The following GABRG3 variants were observed in gnomAD, a reference collection of about 807,000 sequenced individuals.
GABRG3 encodes the protein gamma-aminobutyric acid type A receptor subunit gamma3.
In GABRG3, 25 loss-of-function variants were observed where a neutral mutation model predicts 48.8. The ratio of observed to expected loss-of-function variants is 0.51; its 90% CI spans 0.37 to 0.72. The LOEUF (loss-of-function observed/expected upper bound fraction) is 0.72. GABRG3 is among the 30% of genes least tolerant of loss of function. The pLI is 0.00. For synonymous variants in GABRG3, 227 were observed against 217.6 expected (o/e 1.04, Z -0.38); for missense variants, 394 against 577.9 (o/e 0.68, Z 3.26).
At chr15:27,104,885 A>G (rs997089655) in intron 3 of GABRG3, among the ~76,000 whole-genome samples, 1 of 152,244 alleles carries the variant, frequency 6.6e-6, no homozygotes, top group African/African-American at 2.4e-5. Context: ...AGATAGAATA[A>G]TTTGATATTA....
intron 5 of GABRG3, chr15:27,420,563 C>A (rs1257533138): frequency 6.6e-6 from 1 of 152,072 alleles, no homozygotes; most frequent in Non-Finnish European, 1.5e-5. Flanking sequence ...AATCTAGTAA[C>A]CGTGTGAGAT....
At chr15:27,058,914 A>G (rs971890818) in intron 3 of GABRG3, among the ~76,000 whole-genome samples, 1 of 152,226 alleles carries the variant, frequency 6.6e-6, no homozygotes, top group Admixed American at 6.5e-5. Flanking sequence ...CGTCATCACC[A>G]ATAAAACCAT....
intron 2 of GABRG3, among the ~76,000 whole-genome samples, chr15:27,012,492 T>C (rs1482188220): frequency 1.3e-5 from 2 of 152,188 alleles, no homozygotes; most frequent in African/African-American, 4.8e-5. Context: ...TTTACAGATA[T>C]ATTTTAAAAT....
intron 3 of GABRG3, among the ~76,000 whole-genome samples, chr15:27,107,180 T>C (rs1321992363): frequency 2.0e-5 from 3 of 152,036 alleles, no homozygotes; most frequent in Non-Finnish European, 4.4e-5. Flanking sequence ...TTAAATATGA[T>C]GTTAGGTGTA....
intron 3 of GABRG3, among the ~76,000 whole-genome samples, chr15:27,058,964 C>T (rs1896600370): frequency 1.3e-5 from 2 of 152,166 alleles, no homozygotes; most frequent in South Asian, 2.1e-4. Context: ...AATCCTGTGG[C>T]CACTATTAAA....
Position 27,447,582 on chromosome 15 carries a change from T to C in GABRG3, c.575-33068T>C, listed in dbSNP as rs1255048190. On this transcript the variant is annotated intron_variant, in intron 5 of 9. Transcript: ENST00000615808. This position sits in a 1 kb window ranked among gnomAD's most constrained non-coding sequence, Gnocchi z 4.0. ...ACAGGGCTGAGAGATGGGGACAGAT[T>C]TGACACAGACCTACACATGCTGATG... Among the ~76,000 whole-genome samples, 1 of 150,662 alleles carries C rather than the reference T, an allele frequency of 6.6e-6. No individual in the cohort carries two copies. Among genetic ancestry groups the C allele is most frequent in the African/African-American group, 2.4e-5 (1 of 40,902 alleles).
chr15:27,035,511 G>T (rs1374346888), intron 3 of GABRG3, among the ~76,000 whole-genome samples: 1 of 151,690 alleles, frequency 6.6e-6, no homozygotes, highest in Non-Finnish European at 1.5e-5. Flanking sequence ...GCTACATAAT[G>T]TCCCTCTGAC....
chr15:27,475,486 G>C (rs1053067805), intron 5 of GABRG3, among the ~76,000 whole-genome samples: 1 of 152,070 alleles, frequency 6.6e-6, no homozygotes, highest in Non-Finnish European at 1.5e-5. Context: ...GATGATAGTA[G>C]TGGTGATGGT....
At chr15:27,075,232 C>T (rs1445493402) in intron 3 of GABRG3, among the ~76,000 whole-genome samples, 2 of 152,104 alleles carry the variant, frequency 1.3e-5, no homozygotes, top group African/African-American at 2.4e-5. Context: ...TTGAGCAAAA[C>T]ATCTCATGGT....
chr15:27,131,679 C>T lies in GABRG3; in HGVS notation c.270+104858C>T, dbSNP rs190912257. On this transcript the variant is annotated intron_variant, in intron 3 of 9. Coordinates refer to ENST00000615808, the MANE Select transcript of GABRG3 (RefSeq NM_033223.5). The stretch of plus-strand genomic sequence containing the variant: ...CATGTAATTGTTATACATACTTACA[C>T]GGTAAAATGCAGTTCTATTTTTATT... 2.1e-4 allele frequency among the ~76,000 whole-genome samples: 32 copies of T among 151,994 alleles called. No homozygotes were observed. The East Asian group carries it at 2.3e-3, about 11-fold the overall frequency.
intron 5 of GABRG3, among the ~76,000 whole-genome samples, chr15:27,390,541 A>G (rs1405072343): frequency 6.6e-6 from 1 of 152,192 alleles, no homozygotes. Context: ...CTCATGGACC[A>G]TGGGAGTCAT....
chr15:27,223,791 T>C (rs1436538805), intron 3 of GABRG3, among the ~76,000 whole-genome samples: 2 of 152,208 alleles, frequency 1.3e-5, no homozygotes, highest in Admixed American at 6.5e-5. Context: ...CAGTGAGTGC[T>C]GCCCCTGACC....
At chr15:27,405,272 A>T (rs1887596497) in intron 5 of GABRG3, among the ~76,000 whole-genome samples, 1 of 152,252 alleles carries the variant, frequency 6.6e-6, no homozygotes. Context: ...ACACATATGT[A>T]AGAAAATATC....
chr15:27,091,636 C>G (rs764658280), intron 3 of GABRG3, among the ~76,000 whole-genome samples: 3 of 152,190 alleles, frequency 2.0e-5, no homozygotes, highest in Non-Finnish European at 2.9e-5. Context: ...TTCAACCTCG[C>G]TGTTTGCTCT....
At chr15:27,506,444 G>T (rs1890762528) in intron 6 of GABRG3, among the ~76,000 whole-genome samples, 1 of 152,174 alleles carries the variant, frequency 6.6e-6, no homozygotes, top group African/African-American at 2.4e-5. Context: ...ATATGGAAAG[G>T]AAAGGGGGAG....
At chr15:27,135,792 C>A (rs1287409058) in intron 3 of GABRG3, among the ~76,000 whole-genome samples, 6 of 152,116 alleles carry the variant, frequency 3.9e-5, no homozygotes, top group African/African-American at 1.4e-4. Flanking sequence ...ATAATCCCAG[C>A]TACTCAGGAA....
chr15:27,394,149 T>G (rs1267573004), intron 5 of GABRG3, among the ~76,000 whole-genome samples: 1 of 152,206 alleles, frequency 6.6e-6, no homozygotes, highest in East Asian at 1.9e-4. Context: ...CTGTATGTCT[T>G]AGGTCATTTT....
At chr15:27,285,103 G>T (rs1877331551) in intron 3 of GABRG3, among the ~76,000 whole-genome samples, 2 of 152,106 alleles carry the variant, frequency 1.3e-5, no homozygotes, top group African/African-American at 2.4e-5. Context: ...TTTGTGATGG[G>T]TGTATCTCAG....
chr15:27,511,020 G>A (rs1303685783), intron 6 of GABRG3, among the ~76,000 whole-genome samples: 7 of 152,284 alleles, frequency 4.6e-5, no homozygotes, highest in African/African-American at 7.2e-5. Flanking sequence ...GTGTGCGATA[G>A]AGAAGATTTT....
Sources: allele counts gnomAD v4.1 joint callset (sites outside exome capture counted in the v4.1 genomes callset), GRCh38; gene constraint gnomAD v4.1.1; non-coding constraint Gnocchi (gnomAD v3.1); transcripts MANE v1.5; gene names NCBI Gene and HGNC (gene_info 2026-07-23, HGNC 2026-07-21).